The following NR3C1 variants were observed in gnomAD, a reference collection of about 807,000 sequenced individuals.
The protein encoded by NR3C1 is nuclear receptor subfamily 3 group C member 1.
NR3C1 carries 14 observed loss-of-function variants against 74.0 expected under a neutral mutation model. The observed-to-expected ratio is 0.19, with a 90% CI of 0.12 to 0.30. The LOEUF (loss-of-function observed/expected upper bound fraction) is 0.30, where lower values mean the gene tolerates loss of function less well. NR3C1 is among the 10% of genes least tolerant of loss of function. The probability of loss-of-function intolerance (pLI) is 1.00; values close to 1 mark genes in which losing one functional copy is unlikely to be tolerated. For missense variants in NR3C1, 695 were observed against 909.8 expected, an observed-to-expected ratio of 0.76 and a Z score of 3.04; for synonymous variants, 308 against 332.5, an observed-to-expected ratio of 0.93 and a Z score of 0.80.
At chr5:143,355,082 G>A (rs1422368883) in intron 2 of NR3C1, among the ~76,000 whole-genome samples, 2 of 151,968 alleles carry the variant, frequency 1.3e-5, no homozygotes, top group East Asian at 1.9e-4. Context: ...TGACAGACTC[G>A]CTTAATATAG....
intron 2 of NR3C1, among the ~76,000 whole-genome samples, chr5:143,365,695 G>A (rs1188978960): frequency 6.6e-6 from 1 of 152,126 alleles, no homozygotes. Context: ...AACAAAAGCA[G>A]AATACACATT....
chr5:143,381,827 A>C (rs1303270595), intron 2 of NR3C1, among the ~76,000 whole-genome samples: 1 of 152,214 alleles, frequency 6.6e-6, no homozygotes, highest in Non-Finnish European at 1.5e-5. Context: ...AGGATACTAA[A>C]AGAAAACATT....
intron 2 of NR3C1, among the ~76,000 whole-genome samples, chr5:143,345,779 T>A (rs544967332): frequency 1.3e-5 from 2 of 152,250 alleles, no homozygotes. Flanking sequence ...TAAATGTATA[T>A]ATATAGCTCA....
At chr5:143,318,888 A>AT (rs1822742480) in intron 2 of NR3C1, among the ~76,000 whole-genome samples, 2 of 152,270 alleles carry the variant, frequency 1.3e-5, no homozygotes, top group South Asian at 4.1e-4. Flanking sequence ...GTAATTAATA[A>AT]TTTTTTTGCT....
chr5:143,400,928 T>G, intron 1 of NR3C1, 76 bp from the exon 2 acceptor site: 2 of 1,098,804 alleles, frequency 1.8e-6, no homozygotes, highest in Non-Finnish European at 2.7e-6. Flanking sequence ...ATCCGATTAG[T>G]AAGAGGCAGC....
chr5:143,344,598 C>A (rs911072526), intron 2 of NR3C1, among the ~76,000 whole-genome samples: 1 of 152,240 alleles, frequency 6.6e-6, no homozygotes, highest in South Asian at 2.1e-4. Flanking sequence ...GCTGACTGGG[C>A]GCGGTAGCTC....
chr5:143,291,501 G>A lies in NR3C1; in HGVS notation c.2023+3959C>T, dbSNP rs141512150. ...AGCCTCCCAAAGTGTTGGGATTACC[G>A]GTGTGAGCCACCACGCCTGGCTGGG... is the stretch of plus-strand genomic sequence containing the variant. On this transcript the variant is annotated intron_variant, in intron 7 of 8. Transcript: ENST00000394464. Among the ~76,000 whole-genome samples, 685 of 152,276 alleles carry A rather than the reference G, an allele frequency of 4.5e-3. 6 individuals carry two copies. Among genetic ancestry groups the A allele is most frequent in the African/African-American group, 0.014 (588 of 41,550 alleles).
chr5:143,429,804 G>T (rs1170398802), intron 1 of NR3C1, among the ~76,000 whole-genome samples: 1 of 152,144 alleles, frequency 6.6e-6, no homozygotes, highest in Non-Finnish European at 1.5e-5. Context: ...TTTTGGTCTG[G>T]TGCGGTGGCT....
chr5:143,335,887 A>T (rs1561599391), intron 2 of NR3C1, among the ~76,000 whole-genome samples: 1 of 152,246 alleles, frequency 6.6e-6, no homozygotes. Flanking sequence ...CCGATGGACA[A>T]CTTTAGGGTT....
At chr5:143,337,973 G>T (rs945180719) in intron 2 of NR3C1, among the ~76,000 whole-genome samples, 13 of 152,112 alleles carry the variant, frequency 8.5e-5, no homozygotes, top group African/African-American at 3.1e-4. Context: ...TCTATTTCTT[G>T]CCCTGGTTGG....
intron 2 of NR3C1, among the ~76,000 whole-genome samples, chr5:143,396,284 C>T (rs1413091005): frequency 6.6e-6 from 1 of 151,640 alleles, no homozygotes; most frequent in Non-Finnish European, 1.5e-5. Flanking sequence ...AAATAAGATT[C>T]TCATCATAAA....
intron 4 of NR3C1, among the ~76,000 whole-genome samples, chr5:143,308,488 T>A (rs1820147689): frequency 2.0e-5 from 3 of 151,954 alleles, no homozygotes; most frequent in African/African-American, 7.3e-5. Flanking sequence ...ATCATCATAA[T>A]CATAAAAGGA....
chr5:143,314,386 A>G lies in NR3C1; in HGVS notation c.1185-218T>C, dbSNP rs117591023. Among the ~76,000 whole-genome samples, 154 of 152,060 alleles carry G rather than the reference A, an allele frequency of 1.0e-3. 3 individuals are homozygous for G. In the East Asian group the frequency reaches 0.022, roughly 22 times the overall value. Reference sequence around the variant, plus strand: ...GGTCATTTCTTTTGAAGTGTCTCCAAAATAGAATGGTGTGGTTCTGGTTCA... The same window carrying G: ...GGTCATTTCTTTTGAAGTGTCTCCAGAATAGAATGGTGTGGTTCTGGTTCA... On this transcript the variant is annotated intron_variant, in intron 2 of 8. Transcript: ENST00000394464.
In NR3C1 at chr5:143,369,060, G is replaced by T. The variant is rs563632114; in HGVS notation, c.1184+30596C>A. ...ATGGATTAGCCTATTCATGAGGGCA[G>T]ACCTCTGATGACCCAAGCACTTCTT... On this transcript the variant is annotated intron_variant, in intron 2 of 8. Transcript: ENST00000394464. Among the ~76,000 whole-genome samples the T allele has an allele frequency of 8.5e-5, 13 of 152,328 alleles. No homozygotes were observed. In the South Asian group the frequency reaches 1.2e-3, roughly 15 times the overall value.
chr5:143,351,361 A>G (rs1447432644), intron 2 of NR3C1, among the ~76,000 whole-genome samples: 3 of 152,192 alleles, frequency 2.0e-5, no homozygotes, highest in African/African-American at 4.8e-5. Flanking sequence ...CTGTCCAGCC[A>G]TATCGCCCAC....
intron 2 of NR3C1, among the ~76,000 whole-genome samples, chr5:143,393,206 A>C (rs369250021): frequency 6.6e-6 from 1 of 152,210 alleles, no homozygotes; most frequent in African/African-American, 2.4e-5. Flanking sequence ...TTATAAAAAC[A>C]CCAAATCTGC....
chr5:143,284,592 GGTGAAGCCCAA>G (rs1232461015), intron 7 of NR3C1, among the ~76,000 whole-genome samples: 4 of 151,774 alleles, frequency 2.6e-5, no homozygotes, highest in Non-Finnish European at 4.4e-5. Flanking sequence ...AAATAACTAT[GGTGAAGCCCAA>G]TTCAATATGC....
intron 1 of NR3C1, among the ~76,000 whole-genome samples, chr5:143,422,845 G>A (rs984714022): frequency 6.6e-6 from 1 of 152,184 alleles, no homozygotes; most frequent in East Asian, 1.9e-4. Context: ...AAGAATAAAT[G>A]AGATGCCCCT....
upstream of NR3C1, chr5:143,403,779 T>G: frequency 1.0e-6 from 1 of 982,460 alleles, no homozygotes; most frequent in African/African-American, 1.8e-5. Flanking sequence ...CGGGGAACGA[T>G]GCAACCTGTT....
Sources: gnomAD v4.1 joint callset for allele counts (sites outside exome capture counted in the v4.1 genomes callset) on GRCh38, gnomAD v4.1.1 for gene constraint, MANE v1.5 for transcripts, NCBI Gene and HGNC (gene_info 2026-07-23, HGNC 2026-07-21) for gene names.